XXYLT1: variants seen among roughly 807,000 people sequenced by gnomAD.
XXYLT1 encodes xyloside xylosyltransferase 1.
A neutral mutation model predicts 28.9 loss-of-function variants in XXYLT1; 20 were observed. The observed-to-expected ratio is 0.69, with a 90% CI of 0.49 to 1.00. XXYLT1 has a LOEUF of 1.00. Ranked by LOEUF, XXYLT1 falls within the 50% of genes least tolerant of loss-of-function variation. The pLI is 0.00. For missense variants in XXYLT1, 542 were observed against 560.1 expected, an observed-to-expected ratio of 0.97 and a Z score of 0.33; for synonymous variants, 257 against 253.8, an observed-to-expected ratio of 1.01 and a Z score of -0.12.
chr3:195,074,393 G>A (rs1714999406), intron 3 of XXYLT1, among the ~76,000 whole-genome samples: 1 of 152,256 alleles, frequency 6.6e-6, no homozygotes, highest in Admixed American at 6.5e-5. Flanking sequence ...GAAGCACCCG[G>A]CCCAGAGGCT....
At chr3:195,125,263 T>G (rs1005487985) in intron 3 of XXYLT1, among the ~76,000 whole-genome samples, 3 of 152,244 alleles carry the variant, frequency 2.0e-5, no homozygotes, top group Admixed American at 2.0e-4. Context: ...GCTAGGGGCC[T>G]GGACATGATG....
At chr3:195,071,883 C>A (rs566940507) in intron 3 of XXYLT1, among the ~76,000 whole-genome samples, 1 of 152,058 alleles carries the variant, frequency 6.6e-6, no homozygotes, top group African/African-American at 2.4e-5. Flanking sequence ...GGGGTGGGAA[C>A]GAAGCGTTTA....
intron 3 of XXYLT1, chr3:195,086,077 G>A (rs1715712023): frequency 6.6e-6 from 1 of 152,174 alleles, no homozygotes; most frequent in Admixed American, 6.5e-5. Context: ...AGCACACCTG[G>A]GCAAAACAGA....
intron 3 of XXYLT1, among the ~76,000 whole-genome samples, chr3:195,143,881 TATATA>T (rs1719683932): frequency 1.6e-5 from 2 of 128,880 alleles, no homozygotes; most frequent in Non-Finnish European, 1.6e-5. Flanking sequence ...GATATATATA[TATATA>T]TATTTATTTT....
chr3:195,171,392 G>A (rs557042470), intron 2 of XXYLT1, among the ~76,000 whole-genome samples: 4 of 152,266 alleles, frequency 2.6e-5, no homozygotes, highest in South Asian at 4.1e-4. Flanking sequence ...ATTTTTACCC[G>A]GTCACTTTCC....
At chr3:195,090,259 T>C (rs559667988) in intron 3 of XXYLT1, among the ~76,000 whole-genome samples, 17 of 151,786 alleles carry the variant, frequency 1.1e-4, no homozygotes, top group African/African-American at 3.6e-4. Flanking sequence ...TACTCCAAAA[T>C]TGACCACATA....
At chr3:195,196,210 TTTTC>T (rs1444858716) in intron 2 of XXYLT1, among the ~76,000 whole-genome samples, 1 of 151,382 alleles carries the variant, frequency 6.6e-6, no homozygotes, top group East Asian at 1.9e-4. Flanking sequence ...GAATTTTTAA[TTTTC>T]TTTACTTTTA....
chr3:195,114,037 C>T (rs1249462836), intron 3 of XXYLT1, among the ~76,000 whole-genome samples: 5 of 152,172 alleles, frequency 3.3e-5, no homozygotes, highest in South Asian at 2.1e-4. Flanking sequence ...TTGGCTAGAG[C>T]GTACTGAGTC....
At chr3:195,087,017 G>C (rs534547598) in intron 3 of XXYLT1, among the ~76,000 whole-genome samples, 3 of 152,130 alleles carry the variant, frequency 2.0e-5, no homozygotes, top group Non-Finnish European at 4.4e-5. Context: ...GCTCCAGGTC[G>C]CCTTGGTGGC....
chr3:195,076,984 C>T lies in XXYLT1; in HGVS notation c.786-6873G>A, dbSNP rs571806365. On this transcript the variant is annotated intron_variant, in intron 3 of 3. Transcript: ENST00000310380. This position sits in a 1 kb window ranked among gnomAD's most constrained non-coding sequence, Gnocchi z 5.3. ...TTCTGCAGAGGAATTCTGAGGGACA[C>T]ACTTCAACCCACAGCACTCTCCAGC... Among the ~76,000 whole-genome samples, 1 of 152,196 alleles carries T rather than the reference C, an allele frequency of 6.6e-6. No homozygotes were observed. The highest frequency in any genetic ancestry group is 6.5e-5 in the Admixed American group (1 of 15,282).
intron 3 of XXYLT1, among the ~76,000 whole-genome samples, chr3:195,088,152 GC>G (rs1395554831): frequency 2.7e-5 from 4 of 146,080 alleles, no homozygotes; most frequent in East Asian, 2.0e-4. Context: ...AAACAAAGCA[GC>G]CGGGAAGCTC....
chr3:195,077,396 C>T lies in XXYLT1; in HGVS notation c.786-7285G>A, dbSNP rs1184174027. Among the ~76,000 whole-genome samples the T allele has an allele frequency of 6.6e-6, 1 of 152,208 alleles. No individual in the cohort carries two copies. The highest frequency in any genetic ancestry group is 1.5e-5 in the Non-Finnish European group (1 of 68,022). On this transcript the variant is annotated intron_variant, in intron 3 of 3. Coordinates refer to ENST00000310380, the MANE Select transcript of XXYLT1 (RefSeq NM_152531.5). The surrounding 1 kb of genome is among the most constrained non-coding windows in gnomAD (Gnocchi z 4.8). ...GGGACTCTGCGCTGACCCTGCCCAG[C>T]AGCGTGCCCTGAGGAGCAGCCCTGC...
chr3:195,230,465 A>G (rs1270349612), intron 1 of XXYLT1, among the ~76,000 whole-genome samples: 1 of 152,202 alleles, frequency 6.6e-6, no homozygotes, highest in African/African-American at 2.4e-5. Flanking sequence ...TGCCAAGTCC[A>G]ATGTCCTGGA....
At position 195,129,132 on chromosome 3, in the gene XXYLT1, G is replaced by A. The variant is rs544937013; in HGVS notation, c.785+27317C>T. 1.1e-4 allele frequency among the ~76,000 whole-genome samples: 17 copies of A among 152,278 alleles called. No individual in the cohort carries two copies. Among genetic ancestry groups the A allele is most frequent in the Non-Finnish European group, 2.1e-4 (14 of 68,012 alleles). ...AAAAATATTGTGTGGGGGGAAGGTC[G>A]CGGCTAACATAGAGAGGGACAGCAG... On this transcript the variant is annotated intron_variant, in intron 3 of 3. Coordinates refer to ENST00000310380, the MANE Select transcript of XXYLT1 (RefSeq NM_152531.5). The surrounding 1 kb of genome is among the most constrained non-coding windows in gnomAD (Gnocchi z 4.4).
chr3:195,144,426 G>T (rs1719723591), intron 3 of XXYLT1, among the ~76,000 whole-genome samples: 1 of 151,986 alleles, frequency 6.6e-6, no homozygotes, highest in Non-Finnish European at 1.5e-5. Context: ...GCCCAGGCTG[G>T]AATGCAATGG....
chr3:195,110,859 G>GTGTGTGTGTGGGGTA (rs1717660484), intron 3 of XXYLT1, among the ~76,000 whole-genome samples: 1 of 99,218 alleles, frequency 1.0e-5, no homozygotes, highest in South Asian at 2.8e-4. Flanking sequence ...TGTTGTATAA[G>GTGTGTGTGTGGGGTA]TGTGTGTGTG....
chr3:195,247,903 G>A (rs1421255803), intron 1 of XXYLT1: 3 of 667,120 alleles, frequency 4.5e-6, no homozygotes, highest in Non-Finnish European at 5.5e-6. Flanking sequence ...GATCTCCTGA[G>A]AGCTCACTGA....
In XXYLT1 at chr3:195,068,945, G is replaced by A. The variant is rs374419337; in HGVS notation, c.*770C>T. ...CTCCTGCATGTCCTTGTGGTGGCCA[G>A]TCTCTGTTCTTTGATGACGAATTTG... On this transcript the variant is annotated 3_prime_UTR_variant, in exon 4 of 4. Coordinates refer to ENST00000310380, the MANE Select transcript of XXYLT1 (RefSeq NM_152531.5). 67 of 152,330 alleles carry A rather than the reference G, an allele frequency of 4.4e-4. No individual in the cohort carries two copies. The highest frequency in any genetic ancestry group is 1.5e-3 in the African/African-American group (64 of 41,564). The allele number at this position is 152,330 out of a possible 1,614,324, so 9.4% of individuals were successfully genotyped here.
At chr3:195,212,510 A>C (rs1180814596) in intron 2 of XXYLT1, among the ~76,000 whole-genome samples, 1 of 152,164 alleles carries the variant, frequency 6.6e-6, no homozygotes, top group Non-Finnish European at 1.5e-5. Context: ...GAACAGGTAC[A>C]GGTCAGTGGC....
Sources: allele counts gnomAD v4.1 joint callset (sites outside exome capture counted in the v4.1 genomes callset), GRCh38; gene constraint gnomAD v4.1.1; non-coding constraint Gnocchi (gnomAD v3.1); transcripts MANE v1.5; gene names NCBI Gene and HGNC (gene_info 2026-07-23, HGNC 2026-07-21).